CDK8: variants seen among roughly 807,000 people sequenced by gnomAD.
CDK8 encodes cyclin-dependent kinase 8.
Under a neutral mutation model 71.5 loss-of-function variants are expected in CDK8, and 29 were observed. The observed-to-expected ratio is 0.41, with a 90% CI of 0.30 to 0.55. The LOEUF (loss-of-function observed/expected upper bound fraction) is 0.55, where lower values mean the gene tolerates loss of function less well. CDK8 is among the 20% of genes least tolerant of loss of function. The probability of loss-of-function intolerance (pLI) is 0.37; values close to 1 mark genes in which losing one functional copy is unlikely to be tolerated. For synonymous variants in CDK8, 161 were observed against 192.1 expected (o/e 0.84, Z 1.34); for missense variants, 288 against 572.6 (o/e 0.50, Z 5.07).
In CDK8 at chr13:26,276,539, A is replaced by G. The variant is rs544112486; in HGVS notation, c.128+21770A>G. On this transcript the variant is annotated intron_variant, in intron 1 of 12. Transcript: ENST00000381527. The stretch of plus-strand genomic sequence containing the variant: ...AGTTTTCCAGCTATCATAAGGGCAT[A>G]TAAGTTACATGTACTTTAATATATT... Among the ~76,000 whole-genome samples, 4 of 152,356 alleles carry G rather than the reference A, an allele frequency of 2.6e-5. No homozygotes were observed. The South Asian group carries it at 8.3e-4, about 32-fold the overall frequency.
rs773322070 is a variant in CDK8, at chr13:26,254,597, C to A, written c.-45C>A. The stretch of plus-strand genomic sequence containing the variant: ...GTGCTTCCCCGGTCCCCACCCCTGC[C>A]CCCCGGCCCCCCGACCCAGCTCTCC... On this transcript the variant is annotated 5_prime_UTR_variant, in exon 1 of 13. Transcript: ENST00000381527. This position sits in a 1 kb window ranked among gnomAD's most constrained non-coding sequence, Gnocchi z 6.7. 57 of 1,463,404 alleles carry A rather than the reference C, an allele frequency of 3.9e-5. No individual in the cohort carries two copies. Among genetic ancestry groups the A allele is most frequent in the Non-Finnish European group, 3.1e-5 (33 of 1,076,568 alleles). The allele number at this position is 1,463,404 out of a possible 1,614,324, so 90.7% of individuals were successfully genotyped here. A position where few individuals can be genotyped will look rare whatever the true frequency, so the allele number is the denominator to read the frequency against.
At chr13:26,272,158 A>C (rs1018107946) in intron 1 of CDK8, among the ~76,000 whole-genome samples, 1 of 151,898 alleles carries the variant, frequency 6.6e-6, no homozygotes, top group Admixed American at 6.6e-5. Flanking sequence ...GTATAAAAAC[A>C]TTTTCTTTAT....
At chr13:26,351,320 A>G (rs999290049) in intron 3 of CDK8, among the ~76,000 whole-genome samples, 1 of 152,128 alleles carries the variant, frequency 6.6e-6, no homozygotes, top group East Asian at 1.9e-4. Context: ...ACTCTTTCCA[A>G]AGTTCATGCT....
chr13:26,390,884 A>G (rs947527036), intron 6 of CDK8, among the ~76,000 whole-genome samples: 1 of 152,162 alleles, frequency 6.6e-6, no homozygotes, highest in South Asian at 2.1e-4. Flanking sequence ...ACCTATAAGC[A>G]TCACACATTT....
At chr13:26,289,612 G>A (rs1473912950) in intron 1 of CDK8, among the ~76,000 whole-genome samples, 1 of 151,926 alleles carries the variant, frequency 6.6e-6, no homozygotes, top group East Asian at 1.9e-4. Context: ...GTGCAGTGGC[G>A]GGATCTCGGC....
intron 1 of CDK8, among the ~76,000 whole-genome samples, chr13:26,293,393 A>T (rs1345153002): frequency 6.6e-6 from 1 of 152,062 alleles, no homozygotes; most frequent in Non-Finnish European, 1.5e-5. Flanking sequence ...GCCTGAGCTC[A>T]GGAGTTCATG....
At chr13:26,258,928 C>T (rs377015922) in intron 1 of CDK8, among the ~76,000 whole-genome samples, 1 of 152,074 alleles carries the variant, frequency 6.6e-6, no homozygotes, top group African/African-American at 2.4e-5. Flanking sequence ...CTTGCCATTC[C>T]TCTGTATTTA....
At chr13:26,291,463 A>G (rs116682683) in intron 1 of CDK8, among the ~76,000 whole-genome samples, 274 of 152,336 alleles carry the variant, frequency 1.8e-3, no homozygotes, top group African/African-American at 6.2e-3. Flanking sequence ...GAATTTGAAT[A>G]GGAACAATAA....
intron 4 of CDK8, among the ~76,000 whole-genome samples, chr13:26,374,795 C>T (rs565932561): frequency 1.6e-3 from 251 of 152,128 alleles, no homozygotes; most frequent in Non-Finnish European, 2.5e-3. Context: ...TTTGGTTTTA[C>T]AGATTGATTT....
At chr13:26,318,948 G>A (rs567080835) in intron 1 of CDK8, among the ~76,000 whole-genome samples, 26 of 152,236 alleles carry the variant, frequency 1.7e-4, no homozygotes, top group African/African-American at 6.3e-4. Flanking sequence ...TTATAGTACT[G>A]GAAGGTCTAG....
At chr13:26,260,598 T>C (rs1328530075) in intron 1 of CDK8, among the ~76,000 whole-genome samples, 1 of 152,118 alleles carries the variant, frequency 6.6e-6, no homozygotes, top group Non-Finnish European at 1.5e-5. Flanking sequence ...GTTTAGGAAG[T>C]AATGGAATTT....
At chr13:26,376,876 G>C (rs1874976149) in intron 4 of CDK8, among the ~76,000 whole-genome samples, 1 of 152,306 alleles carries the variant, frequency 6.6e-6, no homozygotes, top group East Asian at 1.9e-4. Flanking sequence ...AAATATGTTT[G>C]ATGATAGACC....
chr13:26,366,176 G>A (rs1002127011), intron 4 of CDK8, among the ~76,000 whole-genome samples: 1 of 152,026 alleles, frequency 6.6e-6, no homozygotes, highest in African/African-American at 2.4e-5. Context: ...GCCACATAAA[G>A]CTTTCATTAA....
intron 1 of CDK8, among the ~76,000 whole-genome samples, chr13:26,279,808 A>G (rs1056026160): frequency 1.3e-5 from 2 of 152,224 alleles, no homozygotes; most frequent in Non-Finnish European, 2.9e-5. Context: ...TGGGGGTGTT[A>G]TATAAATGAT....
At chr13:26,389,012 C>G (rs527446439) in intron 6 of CDK8, among the ~76,000 whole-genome samples, 2 of 152,262 alleles carry the variant, frequency 1.3e-5, no homozygotes, top group South Asian at 4.1e-4. Flanking sequence ...CTTTGAACAA[C>G]GGAAGTAACA....
At chr13:26,336,886 G>A (rs1163864015) in intron 1 of CDK8, among the ~76,000 whole-genome samples, 1 of 152,060 alleles carries the variant, frequency 6.6e-6, no homozygotes, top group Non-Finnish European at 1.5e-5. Flanking sequence ...CCTCCACCAA[G>A]TCCCCTTTGA....
chr13:26,341,909 T>A (rs1213260846), intron 2 of CDK8, among the ~76,000 whole-genome samples: 1 of 152,222 alleles, frequency 6.6e-6, no homozygotes, highest in Non-Finnish European at 1.5e-5. Context: ...TATGAGTATC[T>A]TTAAACCTTC....
At chr13:26,264,003 C>T (rs867204375) in intron 1 of CDK8, among the ~76,000 whole-genome samples, 30 of 143,062 alleles carry the variant, frequency 2.1e-4, no homozygotes, top group Middle Eastern at 9.1e-3. Context: ...CACCTGGGCC[C>T]CCCAAAGTGC....
intron 1 of CDK8, among the ~76,000 whole-genome samples, chr13:26,298,516 CAAAGAAAGGTTG>C (rs1468326535): frequency 1.4e-4 from 22 of 152,192 alleles, no homozygotes; most frequent in South Asian, 8.3e-4. Flanking sequence ...GGATGCCCCT[CAAAGAAAGGTTG>C]AAATTCCTCA....
Sources: allele counts gnomAD v4.1 joint callset (sites outside exome capture counted in the v4.1 genomes callset), GRCh38; gene constraint gnomAD v4.1.1; non-coding constraint Gnocchi (gnomAD v3.1); transcripts MANE v1.5; gene names NCBI Gene and HGNC (gene_info 2026-07-23, HGNC 2026-07-21).